SYN2: variants seen among roughly 807,000 people sequenced by gnomAD.
SYN2 encodes synapsin II.
Under a neutral mutation model 50.9 loss-of-function variants are expected in SYN2, and 19 were observed. The observed-to-expected ratio is 0.37, with a 90% confidence interval of 0.26 to 0.55. SYN2 has a LOEUF of 0.55. SYN2 is among the 20% of genes least tolerant of loss of function. The pLI is 0.81. For missense variants in SYN2, 587 were observed against 576.4 expected (o/e 1.02, Z -0.19); for synonymous variants, 255 against 224.9 (o/e 1.13, Z -1.20).
intron 5 of SYN2, among the ~76,000 whole-genome samples, chr3:12,160,469 A>G (rs1418186688): frequency 1.3e-5 from 2 of 152,148 alleles, no homozygotes; most frequent in African/African-American, 4.8e-5. Flanking sequence ...ATTTCCTTCA[A>G]AGGATACCTT....
chr3:12,007,996 A>G (rs929764028), intron 1 of SYN2, among the ~76,000 whole-genome samples: 3 of 152,206 alleles, frequency 2.0e-5, no homozygotes, highest in African/African-American at 4.8e-5. Context: ...CTTATTATTT[A>G]TTATTAGTAT....
intron 11 of SYN2, chr3:12,184,613 T>TTCTCTTTCCTGGGAGGAACTG: frequency 1.0e-6 from 1 of 985,930 alleles, no homozygotes; most frequent in Non-Finnish European, 1.2e-6. Flanking sequence ...TTGAGGAGCT[T>TTCTCTTTCCTGGGAGGAACTG]TCTCTTTCCT....
chr3:12,167,349 G>A, intron 8 of SYN2, 41 bp downstream of exon 8: 1 of 1,578,350 alleles, frequency 6.3e-7, no homozygotes, highest in South Asian at 1.1e-5. Context: ...CCCAGTGAGA[G>A]GGAGGCTTCC....
chr3:12,122,253 C>CT (rs1177019543), intron 1 of SYN2, among the ~76,000 whole-genome samples: 3 of 151,962 alleles, frequency 2.0e-5, no homozygotes, highest in East Asian at 1.9e-4. Context: ...GAACAATTTT[C>CT]TTTTTTTTCC....
At position 12,115,116 on chromosome 3, in the gene SYN2, A is replaced by G. The variant is rs112895701; in HGVS notation, c.378-25535A>G. 2.8e-4 allele frequency among the ~76,000 whole-genome samples: 42 copies of G among 152,108 alleles called. 1 individual carries two copies. The highest frequency in any genetic ancestry group is 6.0e-4 in the Non-Finnish European group (41 of 67,994). ...TCTGAACAAAGGCATTTTTGCAGAA[A>G]GAAAACTCCATTGAGAATCAGCAAA... is the stretch of plus-strand genomic sequence containing the variant. On this transcript the variant is annotated intron_variant, in intron 1 of 12. Coordinates refer to ENST00000621198, the MANE Select transcript of SYN2 (RefSeq NM_133625.6).
At chr3:12,043,478 T>G (rs1475605265) in intron 1 of SYN2, among the ~76,000 whole-genome samples, 1 of 152,226 alleles carries the variant, frequency 6.6e-6, no homozygotes, top group African/African-American at 2.4e-5. Context: ...TTAGGCACTT[T>G]AATGTGTTAT....
chr3:12,068,103 A>G (rs921081696), intron 1 of SYN2, among the ~76,000 whole-genome samples: 7 of 152,190 alleles, frequency 4.6e-5, no homozygotes, highest in African/African-American at 1.7e-4. Context: ...TTGAACTCAA[A>G]TGTAATAAGT....
chr3:12,188,655 G>A (rs1442991139), intron 12 of SYN2, among the ~76,000 whole-genome samples: 1 of 152,008 alleles, frequency 6.6e-6, no homozygotes, highest in Non-Finnish European at 1.5e-5. Context: ...CTAATTAGTG[G>A]CAGAGCCAAG....
At chr3:12,044,195 A>T (rs1049105650) in intron 1 of SYN2, among the ~76,000 whole-genome samples, 277 of 149,016 alleles carry the variant, frequency 1.9e-3, no homozygotes, top group African/African-American at 6.3e-3. Flanking sequence ...ACACACACAC[A>T]CACACACACA....
chr3:12,158,376 TC>T (rs1205072293), intron 5 of SYN2, among the ~76,000 whole-genome samples: 4 of 152,088 alleles, frequency 2.6e-5, no homozygotes, highest in Non-Finnish European at 5.9e-5. Context: ...CCCCTTTCTG[TC>T]CCCAGTCTAG....
intron 1 of SYN2, among the ~76,000 whole-genome samples, chr3:12,014,514 ATAC>A (rs1693979560): frequency 6.6e-6 from 1 of 152,200 alleles, no homozygotes; most frequent in African/African-American, 2.4e-5. Context: ...GCAGCCCACA[ATAC>A]TGGAAAGTAT....
At chr3:12,104,702 G>C (rs58588855) in intron 1 of SYN2, among the ~76,000 whole-genome samples, 5,103 of 148,590 alleles carry the variant, frequency 0.034, 271 homozygotes, top group African/African-American at 0.12. Context: ...CTCTCAAGTA[G>C]CTGGAATTAC....
chr3:12,131,957 A>T (rs1423239695), intron 1 of SYN2, among the ~76,000 whole-genome samples: 1 of 150,852 alleles, frequency 6.6e-6, no homozygotes, highest in Non-Finnish European at 1.5e-5. Flanking sequence ...TCTGTATTAG[A>T]TTGAGCCTGG....
Position 12,027,926 on chromosome 3 carries a change from T to C in SYN2, c.377+22998T>C, listed in dbSNP as rs949919679. On this transcript the variant is annotated intron_variant, in intron 1 of 12. Transcript: ENST00000621198. ...AGAAGAGTAACTTTCATGACTTACA[T>C]AGAGGAAAGAGGTTATAAGTAATTC... Among the ~76,000 whole-genome samples the C allele has an allele frequency of 6.6e-5, 10 of 150,728 alleles. No homozygotes were observed. In the South Asian group the frequency reaches 8.5e-4, roughly 13 times the overall value.
chr3:12,061,540 C>A (rs1695112950), intron 1 of SYN2, among the ~76,000 whole-genome samples: 1 of 151,928 alleles, frequency 6.6e-6, no homozygotes, highest in Non-Finnish European at 1.5e-5. Flanking sequence ...TATTGGATAA[C>A]TTAGTGAAAT....
intron 4 of SYN2, 62 bp downstream of exon 4, chr3:12,145,897 C>T (rs761581096): frequency 1.8e-4 from 287 of 1,596,306 alleles, no homozygotes; most frequent in Non-Finnish European, 2.2e-4. Flanking sequence ...TCTCCCAGGT[C>T]CCTAGCAGGG....
intron 1 of SYN2, among the ~76,000 whole-genome samples, chr3:12,078,307 T>C (rs1018334792): frequency 2.0e-4 from 30 of 152,242 alleles, no homozygotes; most frequent in African/African-American, 6.8e-4. Flanking sequence ...GCAGAAGCTC[T>C]TTAGTTTAAT....
At chr3:12,179,831 C>T (rs1291892484) in intron 10 of SYN2, among the ~76,000 whole-genome samples, 2 of 152,246 alleles carry the variant, frequency 1.3e-5, no homozygotes, top group Non-Finnish European at 2.9e-5. Flanking sequence ...ATCACTTCCC[C>T]TTGTCAAGAC....
At chr3:12,169,576 G>A (rs1304589538) in intron 9 of SYN2, among the ~76,000 whole-genome samples, 181 bp from the exon 10 acceptor site, 2 of 152,146 alleles carry the variant, frequency 1.3e-5, no homozygotes, top group Non-Finnish European at 2.9e-5. Context: ...GCAAAGGTTT[G>A]TAGAAGGAAG....
Sources: gnomAD v4.1 joint callset for allele counts (sites outside exome capture counted in the v4.1 genomes callset) on GRCh38, gnomAD v4.1.1 for gene constraint, MANE v1.5 for transcripts, NCBI Gene and HGNC (gene_info 2026-07-23, HGNC 2026-07-21) for gene names.